CDK8: variants seen among roughly 807,000 people sequenced by gnomAD.
CDK8 encodes cyclin-dependent kinase 8.
Under a neutral mutation model 71.5 loss-of-function variants are expected in CDK8, and 29 were observed. The ratio of observed to expected loss-of-function variants is 0.41; its 90% CI spans 0.30 to 0.55. The LOEUF is 0.55. CDK8 is among the 20% of genes least tolerant of loss of function. The pLI is 0.37. For synonymous variants in CDK8, 161 were observed against 192.1 expected (o/e 0.84, Z 1.34); for missense variants, 288 against 572.6 (o/e 0.50, Z 5.07).
At chr13:26,263,670 C>T (rs1186063724) in intron 1 of CDK8, among the ~76,000 whole-genome samples, 2 of 145,896 alleles carry the variant, frequency 1.4e-5, no homozygotes, top group South Asian at 2.2e-4. Flanking sequence ...AAACTTCTGA[C>T]CTTAGGGATC....
intron 1 of CDK8, among the ~76,000 whole-genome samples, chr13:26,309,063 C>T (rs748453920): frequency 3.3e-5 from 5 of 152,032 alleles, no homozygotes; most frequent in Non-Finnish European, 5.9e-5. Flanking sequence ...GTACTTACGA[C>T]AGTGCTAGGA....
At chr13:26,321,594 AG>A (rs1198813785) in intron 1 of CDK8, among the ~76,000 whole-genome samples, 3 of 152,166 alleles carry the variant, frequency 2.0e-5, no homozygotes, top group African/African-American at 7.2e-5. Flanking sequence ...GTGTGTAATA[AG>A]CTATGTAAAC....
chr13:26,392,863 C>A (rs1360095690), intron 6 of CDK8, among the ~76,000 whole-genome samples: 4 of 151,904 alleles, frequency 2.6e-5, no homozygotes, highest in Non-Finnish European at 5.9e-5. Flanking sequence ...TTAGACCTTG[C>A]AAATTAGCAA....
intron 1 of CDK8, among the ~76,000 whole-genome samples, chr13:26,295,616 A>AG (rs1873519992): frequency 6.6e-6 from 1 of 152,184 alleles, no homozygotes; most frequent in African/African-American, 2.4e-5. Context: ...TTTTCAGATA[A>AG]ATATATTTGG....
chr13:26,322,334 A>G (rs1261783956), intron 1 of CDK8, among the ~76,000 whole-genome samples: 2 of 152,212 alleles, frequency 1.3e-5, no homozygotes, highest in Non-Finnish European at 2.9e-5. Context: ...ATGACCCTAA[A>G]TGACCCTGCC....
chr13:26,363,711 T>A (rs1874255247), intron 4 of CDK8, among the ~76,000 whole-genome samples: 1 of 152,094 alleles, frequency 6.6e-6, no homozygotes, highest in Non-Finnish European at 1.5e-5. Flanking sequence ...GTTGCTGTCC[T>A]GCAGTTTATT....
chr13:26,274,671 T>A (rs547415716), intron 1 of CDK8, among the ~76,000 whole-genome samples: 7 of 152,228 alleles, frequency 4.6e-5, no homozygotes, highest in African/African-American at 1.7e-4. Context: ...GACCTCGTGA[T>A]CCGCCCGGCT....
At chr13:26,351,879 T>A (rs1873693160) in intron 3 of CDK8, among the ~76,000 whole-genome samples, 2 of 152,170 alleles carry the variant, frequency 1.3e-5, no homozygotes, top group South Asian at 2.1e-4. Context: ...TAGTTATTTT[T>A]AAAAATCACT....
At chr13:26,290,141 A>C (rs1873228618) in intron 1 of CDK8, among the ~76,000 whole-genome samples, 1 of 152,240 alleles carries the variant, frequency 6.6e-6, no homozygotes, top group Non-Finnish European at 1.5e-5. Context: ...TCTTAGCATG[A>C]GCATTCTTCT....
chr13:26,301,001 T>G (rs1385654869), intron 1 of CDK8, among the ~76,000 whole-genome samples: 1 of 152,172 alleles, frequency 6.6e-6, no homozygotes, highest in Non-Finnish European at 1.5e-5. Flanking sequence ...TGATTTTGTT[T>G]TTTGTTTTTG....
chr13:26,311,089 C>A (rs1874264895), intron 1 of CDK8, among the ~76,000 whole-genome samples: 1 of 148,510 alleles, frequency 6.7e-6, no homozygotes. Flanking sequence ...TTATAGACTG[C>A]AGATTTTTAA....
intron 4 of CDK8, among the ~76,000 whole-genome samples, chr13:26,375,292 C>G (rs972852704): frequency 6.6e-6 from 1 of 152,120 alleles, no homozygotes; most frequent in Non-Finnish European, 1.5e-5. Context: ...GCGTGTATTA[C>G]CTTTGAAGCT....
intron 12 of CDK8, among the ~76,000 whole-genome samples, chr13:26,402,662 A>G (rs188944200): frequency 1.7e-4 from 26 of 152,332 alleles, no homozygotes; most frequent in African/African-American, 6.0e-4. Flanking sequence ...CCAAGGGCAG[A>G]CAGCTGTGGG....
intron 4 of CDK8, among the ~76,000 whole-genome samples, chr13:26,363,057 C>T (rs1404824763): frequency 6.7e-6 from 1 of 148,690 alleles, no homozygotes; most frequent in Non-Finnish European, 1.5e-5. Context: ...GAGTATTTCT[C>T]ACGCCTGTAA....
intron 1 of CDK8, among the ~76,000 whole-genome samples, chr13:26,290,637 T>G (rs1197001386): frequency 6.6e-6 from 1 of 152,176 alleles, no homozygotes; most frequent in Admixed American, 6.5e-5. Flanking sequence ...TTTAAATCTC[T>G]TTTTGCTTTC....
intron 4 of CDK8, among the ~76,000 whole-genome samples, chr13:26,370,781 T>A (rs1874628004): frequency 6.6e-6 from 1 of 152,186 alleles, no homozygotes; most frequent in African/African-American, 2.4e-5. Flanking sequence ...TGATAAGATA[T>A]TTATATTACA....
At chr13:26,290,409 T>C (rs965555952) in intron 1 of CDK8, among the ~76,000 whole-genome samples, 6 of 152,190 alleles carry the variant, frequency 3.9e-5, no homozygotes, top group Admixed American at 2.6e-4. Flanking sequence ...AAAACAGATA[T>C]GTAGTTGTAA....
intron 1 of CDK8, among the ~76,000 whole-genome samples, chr13:26,313,106 C>T (rs531308296): frequency 2.6e-5 from 4 of 152,266 alleles, no homozygotes; most frequent in Non-Finnish European, 1.5e-5. Context: ...ATTGTTTCAC[C>T]TGGAACATGT....
At chr13:26,280,487 T>C (rs1872700521) in intron 1 of CDK8, among the ~76,000 whole-genome samples, 1 of 152,214 alleles carries the variant, frequency 6.6e-6, no homozygotes, top group South Asian at 2.1e-4. Context: ...TTGGTATAAC[T>C]TGTCTATGAT....
Sources: gnomAD v4.1 joint callset for allele counts (sites outside exome capture counted in the v4.1 genomes callset) on GRCh38, gnomAD v4.1.1 for gene constraint, MANE v1.5 for transcripts, NCBI Gene and HGNC (gene_info 2026-07-23, HGNC 2026-07-21) for gene names.